STT3B: variants seen among roughly 807,000 people sequenced by gnomAD.
STT3B encodes the protein STT3 oligosaccharyltransferase complex catalytic subunit B, also known as dolichyl-diphosphooligosaccharide--protein glycosyltransferase subunit STT3B.
In STT3B, 29 loss-of-function variants were observed where a neutral mutation model predicts 96.8. The ratio of observed to expected loss-of-function variants is 0.30; its 90% confidence interval spans 0.22 to 0.41. STT3B has a LOEUF of 0.41. Among genes scored for constraint, STT3B ranks in the 10% least tolerant of loss-of-function variants. STT3B has a pLI of 1.00. For missense variants in STT3B, 640 were observed against 1,022.3 expected (o/e 0.63, Z 5.10); for synonymous variants, 367 against 360.0 (o/e 1.02, Z -0.22).
intron 3 of STT3B, among the ~76,000 whole-genome samples, chr3:31,586,159 G>C (rs1698530641): frequency 6.6e-6 from 1 of 152,064 alleles, no homozygotes. Flanking sequence ...TAGGTAGGTA[G>C]TAGTATCTTA....
At chr3:31,545,394 A>C (rs192406607) in intron 1 of STT3B, among the ~76,000 whole-genome samples, 2 of 152,240 alleles carry the variant, frequency 1.3e-5, no homozygotes, top group Non-Finnish European at 2.9e-5. Context: ...TGAAAAGAGT[A>C]TGTAACATTA....
intron 5 of STT3B, among the ~76,000 whole-genome samples, chr3:31,614,643 A>T (rs181073519): frequency 7.2e-5 from 11 of 152,072 alleles, no homozygotes; most frequent in African/African-American, 2.4e-4. Flanking sequence ...GGGATAATAA[A>T]AAGGTATGAA....
chr3:31,566,600 T>G (rs1414712991), intron 1 of STT3B, among the ~76,000 whole-genome samples: 1 of 152,160 alleles, frequency 6.6e-6, no homozygotes, highest in East Asian at 1.9e-4. Context: ...GATAGTTTCT[T>G]TGCCTAGGAC....
chr3:31,583,157 G>A (rs1698450157), intron 3 of STT3B, among the ~76,000 whole-genome samples: 1 of 152,218 alleles, frequency 6.6e-6, no homozygotes, highest in Middle Eastern at 3.4e-3. Flanking sequence ...TTGTAGAACT[G>A]TTTATTTCTT....
intron 1 of STT3B, among the ~76,000 whole-genome samples, chr3:31,565,042 C>T (rs1575416545): frequency 6.6e-6 from 1 of 152,154 alleles, no homozygotes; most frequent in African/African-American, 2.4e-5. Context: ...TTTAACATGC[C>T]TGCCTGTCTT....
At chr3:31,550,892 G>A (rs1438661210) in intron 1 of STT3B, among the ~76,000 whole-genome samples, 1 of 152,176 alleles carries the variant, frequency 6.6e-6, no homozygotes, top group South Asian at 2.1e-4. Context: ...GCAATAAAAG[G>A]TAGATTGAAA....
chr3:31,539,302 G>A (rs1052705477), intron 1 of STT3B, among the ~76,000 whole-genome samples: 3 of 152,106 alleles, frequency 2.0e-5, no homozygotes, highest in East Asian at 1.9e-4. Flanking sequence ...GGAATTTAAT[G>A]TTGCAAGATA....
chr3:31,588,214 C>T (rs1698588425), intron 3 of STT3B, among the ~76,000 whole-genome samples: 1 of 152,002 alleles, frequency 6.6e-6, no homozygotes, highest in African/African-American at 2.4e-5. Flanking sequence ...ATAGAACTTT[C>T]GACTCTGTTT....
At position 31,580,093 on chromosome 3, in the gene STT3B, A is replaced by G. The variant is rs980679458; in HGVS notation, c.708A>G (p.Leu236=). 6.2e-7 allele frequency: 1 copy of G among 1,608,242 alleles called. No individual in the cohort carries two copies. Among genetic ancestry groups the G allele is most frequent in the African/African-American group, 1.3e-5 (1 of 74,742 alleles). The change falls in exon 3 of 16, where the codon TTA becomes TTG. Residue 236 remains leucine, a synonymous_variant. Coordinates refer to ENST00000295770, the MANE Select transcript of STT3B (RefSeq NM_178862.3). ...TTGCACTTCAGTTCACATACTATTT[A>G]TGGGTAAGTGACATTTAATGTTTTG... The part of the protein sequence containing the change: ...AIFALQFTYY[L]WVKSVKTGSV...
intron 9 of STT3B, 95 bp downstream of exon 9, chr3:31,619,925 C>CT (rs1455235798): frequency 5.9e-6 from 9 of 1,513,418 alleles, no homozygotes; most frequent in Non-Finnish European, 7.9e-6. Context: ...ATGTTTGACT[C>CT]TATATATTCA....
intron 1 of STT3B, among the ~76,000 whole-genome samples, chr3:31,570,366 A>G (rs779988513): frequency 1.3e-5 from 2 of 152,182 alleles, no homozygotes; most frequent in African/African-American, 2.4e-5. Context: ...AGAGGTTTCA[A>G]CATGTTTTAA....
At chr3:31,579,774 A>G (rs775623788) in intron 2 of STT3B, 35 bp from the exon 3 acceptor site, 7 of 1,520,772 alleles carry the variant, frequency 4.6e-6, no homozygotes, top group Middle Eastern at 1.7e-4. Flanking sequence ...GTCTCATTTT[A>G]TATGTAATTA....
chr3:31,619,428 A>G (rs1167709731), intron 8 of STT3B, among the ~76,000 whole-genome samples: 2 of 152,242 alleles, frequency 1.3e-5, no homozygotes, highest in Non-Finnish European at 2.9e-5. Flanking sequence ...ATTGGAATTC[A>G]GAGCCAACAT....
chr3:31,584,371 TTTG>T (rs1186604390), intron 3 of STT3B, among the ~76,000 whole-genome samples: 8 of 152,324 alleles, frequency 5.3e-5, no homozygotes, highest in African/African-American at 1.9e-4. Flanking sequence ...GTCCTTCAAC[TTTG>T]TTGTTCTTTT....
intron 5 of STT3B, among the ~76,000 whole-genome samples, chr3:31,608,562 T>A (rs1487545990): frequency 6.6e-6 from 1 of 152,214 alleles, no homozygotes; most frequent in Non-Finnish European, 1.5e-5. Flanking sequence ...AGCAAGGATC[T>A]CACCTGTGTT....
At chr3:31,584,147 ACTTAT>A (rs1353649449) in intron 3 of STT3B, among the ~76,000 whole-genome samples, 9 of 152,324 alleles carry the variant, frequency 5.9e-5, no homozygotes, top group South Asian at 2.1e-4. Flanking sequence ...GTGGATATCC[ACTTAT>A]CTTAGCACTG....
intron 1 of STT3B, among the ~76,000 whole-genome samples, chr3:31,571,905 G>C (rs964761580): frequency 5.0e-5 from 7 of 140,248 alleles, no homozygotes; most frequent in African/African-American, 1.8e-4. Flanking sequence ...TAGGTTAGGT[G>C]CTTCCTTTTT....
At chr3:31,560,411 A>G (rs1305353232) in intron 1 of STT3B, among the ~76,000 whole-genome samples, 1 of 152,022 alleles carries the variant, frequency 6.6e-6, no homozygotes, top group Non-Finnish European at 1.5e-5. Flanking sequence ...TTCCAGATTA[A>G]GTACTCCCTT....
At chr3:31,559,589 T>C (rs372502261) in intron 1 of STT3B, among the ~76,000 whole-genome samples, 2 of 152,220 alleles carry the variant, frequency 1.3e-5, no homozygotes, top group Admixed American at 6.5e-5. Context: ...TCTTTTTTAA[T>C]TCGTTAAGAC....
Sources: gnomAD v4.1 joint callset for allele counts (sites outside exome capture counted in the v4.1 genomes callset) on GRCh38, gnomAD v4.1.1 for gene constraint, MANE v1.5 for transcripts, NCBI Gene and HGNC (gene_info 2026-07-23, HGNC 2026-07-21) for gene names.